RPS6KC1: variants seen among roughly 807,000 people sequenced by gnomAD.
RPS6KC1 encodes the protein inactive ribosomal protein S6 kinase delta-1.
RPS6KC1 carries 54 observed loss-of-function variants against 103.8 expected under a neutral mutation model. The ratio of observed to expected loss-of-function variants is 0.52; its 90% confidence interval spans 0.42 to 0.65. The LOEUF (loss-of-function observed/expected upper bound fraction) is 0.65. Among genes scored for constraint, RPS6KC1 ranks in the 30% least tolerant of loss-of-function variants. The pLI is 0.00. For synonymous variants in RPS6KC1, 439 were observed against 438.7 expected, an observed-to-expected ratio of 1.00 and a Z score of -0.01; for missense variants, 1,151 against 1,253.8, an observed-to-expected ratio of 0.92 and a Z score of 1.24.
the RPS6KC1 span, among the ~76,000 whole-genome samples, chr1:213,480,824 T>C: frequency 1.3e-5 from 2 of 152,168 alleles, no homozygotes; most frequent in Admixed American, 1.3e-4. Flanking sequence ...TCTAGATAGC[T>C]AAAAATCTTT....
downstream of RPS6KC1, among the ~76,000 whole-genome samples, chr1:213,274,992 C>G (rs2095108566): frequency 6.6e-6 from 1 of 152,188 alleles, no homozygotes. Flanking sequence ...CTAGCAACCA[C>G]TATTCCACTT....
At chr1:213,201,019 CA>C (rs1276723048) in intron 8 of RPS6KC1, among the ~76,000 whole-genome samples, 1 of 152,126 alleles carries the variant, frequency 6.6e-6, no homozygotes, top group Non-Finnish European at 1.5e-5. Flanking sequence ...AACTAATGGG[CA>C]CTAGGCTTAA....
the RPS6KC1 span, among the ~76,000 whole-genome samples, chr1:213,778,471 C>G: frequency 1.3e-5 from 2 of 152,094 alleles, no homozygotes; most frequent in African/African-American, 2.4e-5. Flanking sequence ...AATTTCCTTT[C>G]GGGGGCTCTA....
the RPS6KC1 span, among the ~76,000 whole-genome samples, chr1:213,830,811 C>T: frequency 6.6e-6 from 1 of 152,084 alleles, no homozygotes; most frequent in Non-Finnish European, 1.5e-5. Context: ...AAAATCCTGG[C>T]TTATATGTCC....
the RPS6KC1 span, among the ~76,000 whole-genome samples, chr1:213,397,205 T>C: frequency 6.6e-6 from 1 of 152,102 alleles, no homozygotes; most frequent in African/African-American, 2.4e-5. Context: ...TGGAAGCCCA[T>C]TGCTCAGGCG....
At chr1:213,164,101 T>C (rs1311875474) in intron 6 of RPS6KC1, among the ~76,000 whole-genome samples, 3 of 152,266 alleles carry the variant, frequency 2.0e-5, no homozygotes, top group Non-Finnish European at 4.4e-5. Context: ...CAGGCTCTTA[T>C]AGTAACTGTG....
At chr1:213,156,180 C>T (rs1270001836) in intron 6 of RPS6KC1, among the ~76,000 whole-genome samples, 3 of 152,118 alleles carry the variant, frequency 2.0e-5, no homozygotes, top group Admixed American at 6.5e-5. Context: ...AAAGACCAAA[C>T]TGAACTTCTA....
At chr1:213,323,281 G>T in the RPS6KC1 span, among the ~76,000 whole-genome samples, 1 of 152,078 alleles carries the variant, frequency 6.6e-6, no homozygotes, top group Non-Finnish European at 1.5e-5. Flanking sequence ...GCCACATAGG[G>T]TAACATATTC....
the RPS6KC1 span, among the ~76,000 whole-genome samples, chr1:213,652,168 C>T: frequency 6.6e-6 from 1 of 152,110 alleles, no homozygotes; most frequent in African/African-American, 2.4e-5. Flanking sequence ...TTTCGATAGA[C>T]TGGATTAATA....
At chr1:213,545,431 AAAAGAGAG>A in the RPS6KC1 span, among the ~76,000 whole-genome samples, 2 of 131,994 alleles carry the variant, frequency 1.5e-5, no homozygotes, top group Non-Finnish European at 3.3e-5. Flanking sequence ...AAAATAAAAT[AAAAGAGAG>A]AGAGAGAGAG....
At chr1:213,160,743 G>T (rs984526917) in intron 6 of RPS6KC1, among the ~76,000 whole-genome samples, 2 of 150,810 alleles carry the variant, frequency 1.3e-5, no homozygotes, top group African/African-American at 2.4e-5. Flanking sequence ...GCAAACTATC[G>T]CAAGGACACA....
intron 6 of RPS6KC1, among the ~76,000 whole-genome samples, chr1:213,137,791 ATATATATATT>A (rs2086503292): frequency 2.5e-5 from 1 of 39,822 alleles, no homozygotes; most frequent in African/African-American, 7.5e-5. Flanking sequence ...ATATATATAT[ATATATATATT>A]TTTTTTTTTT....
chr1:213,378,737 G>C, the RPS6KC1 span, among the ~76,000 whole-genome samples: 1 of 152,208 alleles, frequency 6.6e-6, no homozygotes, highest in Non-Finnish European at 1.5e-5. Flanking sequence ...CTTTAGAGCT[G>C]AGAAGAAGTG....
the RPS6KC1 span, among the ~76,000 whole-genome samples, chr1:213,363,663 TTTCTTTCTTTC>T: frequency 1.0e-5 from 1 of 98,800 alleles, no homozygotes. Context: ...TCTTTCTTTC[TTTCTTTCTTTC>T]TTTCTTTCTT....
At chr1:213,833,712 C>G in the RPS6KC1 span, among the ~76,000 whole-genome samples, 37 of 152,282 alleles carry the variant, frequency 2.4e-4, 1 homozygote, top group South Asian at 7.3e-3. Context: ...CACACCCTGG[C>G]GCTACTCTGC....
chr1:213,090,982 C>T (rs1206456491), intron 3 of RPS6KC1, among the ~76,000 whole-genome samples: 1 of 152,088 alleles, frequency 6.6e-6, no homozygotes, highest in Non-Finnish European at 1.5e-5. Flanking sequence ...TGTATTCAGC[C>T]TGTTGAGATA....
At chr1:213,491,617 G>A in the RPS6KC1 span, among the ~76,000 whole-genome samples, 1 of 152,202 alleles carries the variant, frequency 6.6e-6, no homozygotes. Flanking sequence ...TGCCTTTGAA[G>A]AGGGTGGTTC....
the RPS6KC1 span, chr1:213,817,685 GCAGAT>G: frequency 6.6e-6 from 1 of 152,156 alleles, no homozygotes; most frequent in Non-Finnish European, 1.5e-5. Flanking sequence ...ACTAGTTCAG[GCAGAT>G]CAAACTCCCT....
At chr1:213,559,805 A>G in the RPS6KC1 span, among the ~76,000 whole-genome samples, 3 of 152,216 alleles carry the variant, frequency 2.0e-5, no homozygotes, top group Non-Finnish European at 4.4e-5. Flanking sequence ...ATTAATTTTA[A>G]TAATATATTT....
Sources: allele counts gnomAD v4.1 joint callset (sites outside exome capture counted in the v4.1 genomes callset), GRCh38; gene constraint gnomAD v4.1.1; transcripts MANE v1.5; gene names NCBI Gene and HGNC (gene_info 2026-07-23, HGNC 2026-07-21).